Variants in PCDHA8 observed in about 807,000 individuals in gnomAD.
The protein encoded by PCDHA8 is protocadherin alpha 8, also known as protocadherin alpha-8.
PCDHA8 carries 53 observed loss-of-function variants against 61.8 expected under a neutral mutation model. That is an observed-to-expected ratio of 0.86 (90% confidence interval 0.69 to 1.08). The LOEUF (loss-of-function observed/expected upper bound fraction) is 1.08, where lower values mean the gene tolerates loss of function less well. Among genes scored for constraint, PCDHA8 ranks in the 50% least tolerant of loss-of-function variants. The pLI, the probability that PCDHA8 is intolerant of heterozygous loss-of-function variation, is 0.00. For synonymous variants in PCDHA8, 618 were observed against 556.6 expected (o/e 1.11, Z -1.55); for missense variants, 1,293 against 1,245.0 (o/e 1.04, Z -0.58).
intron 1 of PCDHA8, among the ~76,000 whole-genome samples, chr5:140,956,484 A>G (rs868955895): frequency 1.3e-5 from 2 of 152,226 alleles, no homozygotes; most frequent in South Asian, 2.1e-4. Flanking sequence ...CCAGTCTTGC[A>G]TCCCAGGGAT....
At chr5:140,955,720 T>C (rs921545021) in intron 1 of PCDHA8, among the ~76,000 whole-genome samples, 7 of 152,354 alleles carry the variant, frequency 4.6e-5, no homozygotes, top group East Asian at 1.9e-4. Flanking sequence ...AGGAATACCA[T>C]TGAATCTATA....
chr5:140,871,702 T>C, intron 1 of PCDHA8: 1 of 877,954 alleles, frequency 1.1e-6, no homozygotes, highest in Non-Finnish European at 1.7e-6. Flanking sequence ...CTTTAACCAA[T>C]AAATGTCCTA....
rs1314333890 is a variant in PCDHA8, at chr5:141,000,908, T to TA, written c.2543-8708dup. ...GGGCAACAGATATAGACGCTGTCTCTAAAAAAAAAAATCCTGTGTGATTTA... is the reference window on the plus strand; with the variant it reads ...GGGCAACAGATATAGACGCTGTCTCTAAAAAAAAAAAATCCTGTGTGATTTA... On this transcript the variant is annotated intron_variant, in intron 3 of 3. Coordinates refer to ENST00000531613, the MANE Select transcript of PCDHA8 (RefSeq NM_018911.3). Among the ~76,000 whole-genome samples the TA allele has an allele frequency of 4.2e-4, 62 of 147,094 alleles. 1 individual carries two copies. Among genetic ancestry groups the TA allele is most frequent in the South Asian group, 3.0e-3 (14 of 4,626 alleles).
rs77098340 is a variant in PCDHA8 at position 140,895,412 on chromosome 5, C to T, written c.2394+51697C>T. 8.0e-3 allele frequency among the ~76,000 whole-genome samples: 1,218 copies of T among 152,216 alleles called. 6 individuals carry two copies. Among genetic ancestry groups the T allele is most frequent in the African/African-American group, 0.019 (785 of 41,528 alleles). On this transcript the variant is annotated intron_variant, in intron 1 of 3. Coordinates refer to ENST00000531613, the MANE Select transcript of PCDHA8 (RefSeq NM_018911.3). The stretch of plus-strand genomic sequence containing the variant: ...CTCAACACCATCAAAAGCCCCATAA[C>T]CTTCTTTTGCTTCCTCCTGAGACTC...
At chr5:140,995,168 A>G (rs1554254492) in intron 3 of PCDHA8, among the ~76,000 whole-genome samples, 1 of 152,186 alleles carries the variant, frequency 6.6e-6, no homozygotes. Context: ...ATGTTCTTTC[A>G]TAGGTGCACC....
chr5:140,947,539 C>G (rs144026826), intron 1 of PCDHA8, among the ~76,000 whole-genome samples: 3 of 151,678 alleles, frequency 2.0e-5, no homozygotes, highest in Admixed American at 2.0e-4. Context: ...TCAATTTCTA[C>G]AAAGAATTCC....
chr5:140,884,479 C>A (rs1554181619), intron 1 of PCDHA8: 2 of 1,613,914 alleles, frequency 1.2e-6, no homozygotes, highest in African/African-American at 1.3e-5. Flanking sequence ...CGGGCAAGCC[C>A]ACTCTAGTGT....
intron 1 of PCDHA8, among the ~76,000 whole-genome samples, chr5:140,874,443 C>G (rs1554167205): frequency 6.6e-6 from 1 of 152,208 alleles, no homozygotes; most frequent in Non-Finnish European, 1.5e-5. Context: ...GTCCTAACTA[C>G]TAAATGACCT....
intron 3 of PCDHA8, among the ~76,000 whole-genome samples, chr5:140,991,094 A>G (rs144874764): frequency 9.8e-4 from 150 of 152,358 alleles, no homozygotes; most frequent in African/African-American, 3.5e-3. Context: ...ATTAAAGCTC[A>G]TAAGAATTAA....
chr5:140,935,080 C>G (rs1163743447), intron 1 of PCDHA8, among the ~76,000 whole-genome samples: 2 of 152,076 alleles, frequency 1.3e-5, no homozygotes, highest in Non-Finnish European at 2.9e-5. Context: ...TGTACATTTC[C>G]TTTCCCAGAA....
In PCDHA8 at chr5:140,850,851, A is replaced by G. The variant is rs1052562243; in HGVS notation, c.2394+7136A>G. On this transcript the variant is annotated intron_variant, in intron 1 of 3. Transcript: ENST00000531613. ...TCCTTGTGCTGGATCTACAGAGCGA[A>G]CGGGAGAACCCTCTGCTTCCTCAGA... The G allele has an allele frequency of 3.1e-6, 5 of 1,595,924 alleles. No homozygotes were observed. Among genetic ancestry groups the G allele is most frequent in the Non-Finnish European group, 3.4e-6 (4 of 1,165,934 alleles).
At chr5:140,966,677 A>C in intron 1 of PCDHA8, 1 of 1,313,088 alleles carries the variant, frequency 7.6e-7, no homozygotes, top group Non-Finnish European at 9.8e-7. Flanking sequence ...GCAGGGTGGC[A>C]CGAGCGGAGG....
intron 1 of PCDHA8, chr5:140,869,370 G>A: frequency 6.2e-7 from 1 of 1,614,138 alleles, no homozygotes; most frequent in South Asian, 1.1e-5. Flanking sequence ...TGAATTCTCG[G>A]ATCGACCGCG....
At chr5:141,005,332 A>G (rs1479899678) in intron 3 of PCDHA8, among the ~76,000 whole-genome samples, 2 of 152,188 alleles carry the variant, frequency 1.3e-5, no homozygotes, top group Non-Finnish European at 2.9e-5. Context: ...ATAATAGGCC[A>G]AGGGGGTGCT....
chr5:140,937,595 C>A (rs940943581), intron 1 of PCDHA8, among the ~76,000 whole-genome samples: 1 of 150,652 alleles, frequency 6.6e-6, no homozygotes, highest in South Asian at 2.1e-4. Flanking sequence ...CTAGCCTGGG[C>A]AACAGAGTGA....
intron 1 of PCDHA8, chr5:140,851,041 G>T: frequency 7.2e-7 from 1 of 1,393,950 alleles, no homozygotes. Context: ...TAACATTGGA[G>T]CCGACTTTGT....
chr5:140,865,443 G>A (rs192930935), intron 1 of PCDHA8: 1 of 152,292 alleles, frequency 6.6e-6, no homozygotes, highest in East Asian at 1.9e-4. Context: ...TAACTTCTGA[G>A]AAGATGATTT....
intron 1 of PCDHA8, chr5:140,847,350 T>A (rs1554141746): frequency 6.7e-6 from 1 of 149,796 alleles, no homozygotes; most frequent in Non-Finnish European, 1.5e-5. Context: ...TAGGCTGTTA[T>A]CAGTAGAAAT....
At position 140,849,972 on chromosome 5, in the gene PCDHA8, T is replaced by C. The variant is rs2150460905; in HGVS notation, c.2394+6257T>C. On this transcript the variant is annotated intron_variant, in intron 1 of 3. Transcript: ENST00000531613. The stretch of plus-strand genomic sequence containing the variant: ...GCAGGAGAACGCCCTGGTGTCCTAC[T>C]CGCTGGTGGAGCGGCGGTTGGGCGA... 4 of 1,597,588 alleles carry C rather than the reference T, an allele frequency of 2.5e-6. 1 individual carries two copies. Among genetic ancestry groups the C allele is most frequent in the Non-Finnish European group, 3.4e-6 (4 of 1,167,892 alleles).
Sources: gnomAD v4.1 joint callset for allele counts (sites outside exome capture counted in the v4.1 genomes callset) on GRCh38, gnomAD v4.1.1 for gene constraint, MANE v1.5 for transcripts, NCBI Gene and HGNC (gene_info 2026-07-23, HGNC 2026-07-21) for gene names.